Variants in UCHL5 observed in about 807,000 individuals in gnomAD.
UCHL5 encodes ubiquitin carboxyl-terminal hydrolase isozyme L5.
Under a neutral mutation model 53.8 loss-of-function variants are expected in UCHL5, and 34 were observed. The ratio of observed to expected loss-of-function variants is 0.63; its 90% CI spans 0.48 to 0.84. UCHL5 has a LOEUF of 0.84. UCHL5 is among the 40% of genes least tolerant of loss of function. The probability of loss-of-function intolerance (pLI) is 0.00; values close to 1 mark genes in which losing one functional copy is unlikely to be tolerated. For synonymous variants in UCHL5, 111 were observed against 126.3 expected (o/e 0.88, Z 0.81); for missense variants, 290 against 385.6 (o/e 0.75, Z 2.08).
intron 7 of UCHL5, among the ~76,000 whole-genome samples, chr1:193,025,637 T>A (rs532105975): frequency 6.6e-6 from 1 of 152,270 alleles, no homozygotes; most frequent in African/African-American, 2.4e-5. Context: ...CAGTTGTCAC[T>A]GAAGGCCTAG....
intron 1 of UCHL5, among the ~76,000 whole-genome samples, chr1:193,052,856 A>T (rs1176503496): frequency 6.6e-6 from 1 of 152,196 alleles, no homozygotes; most frequent in Non-Finnish European, 1.5e-5. Context: ...CAGAAACCTA[A>T]TTAAAACCCA....
At chr1:193,028,763 T>C (rs1157371793) in intron 6 of UCHL5, among the ~76,000 whole-genome samples, 1 of 152,148 alleles carries the variant, frequency 6.6e-6, no homozygotes, top group Non-Finnish European at 1.5e-5. Context: ...AAGAAAAATA[T>C]TTTCTTGATT....
rs569767925 is a variant in UCHL5 at position 193,055,412 on chromosome 1, C to T, written c.77-3595G>A. Reference sequence around the variant, plus strand: ...ACTACTTGTGCAGCATCCACCAGAGCCCACCTCCAGCCTCATGGACTTGGA... The same window carrying T: ...ACTACTTGTGCAGCATCCACCAGAGTCCACCTCCAGCCTCATGGACTTGGA... On this transcript the variant is annotated intron_variant, in intron 1 of 10. Transcript: ENST00000367454. Among the ~76,000 whole-genome samples, 12 of 152,284 alleles carry T rather than the reference C, an allele frequency of 7.9e-5. No homozygotes were observed. The South Asian group carries it at 2.5e-3, about 32-fold the overall frequency.
chr1:193,023,099 T>C (rs1657761521), intron 8 of UCHL5, 63 bp from the exon 9 acceptor site: 1 of 1,229,816 alleles, frequency 8.1e-7, no homozygotes, highest in Non-Finnish European at 1.2e-6. Flanking sequence ...TCAGAATATT[T>C]TAAAATGATA....
intron 1 of UCHL5, among the ~76,000 whole-genome samples, chr1:193,054,338 T>C (rs1185420024): frequency 6.6e-6 from 1 of 152,194 alleles, no homozygotes; most frequent in African/African-American, 2.4e-5. Context: ...TTTGACAACT[T>C]GTCATTCCCC....
intron 1 of UCHL5, among the ~76,000 whole-genome samples, chr1:193,052,174 T>C (rs568810761): frequency 6.6e-6 from 1 of 152,260 alleles, no homozygotes; most frequent in East Asian, 1.9e-4. Flanking sequence ...CTCTATACTT[T>C]TTTTTCTGGG....
At chr1:193,031,796 T>A (rs189447654) in intron 3 of UCHL5, among the ~76,000 whole-genome samples, 1 of 152,186 alleles carries the variant, frequency 6.6e-6, no homozygotes, top group Admixed American at 6.5e-5. Context: ...TTATATATAG[T>A]CAAAGTTCTA....
intron 3 of UCHL5, among the ~76,000 whole-genome samples, chr1:193,031,520 T>C (rs1376235483): frequency 6.6e-6 from 1 of 152,148 alleles, no homozygotes; most frequent in African/African-American, 2.4e-5. Context: ...TGTATGTGTC[T>C]GTGAGAAGAA....
chr1:193,026,169 C>A (rs1659149918), intron 7 of UCHL5, among the ~76,000 whole-genome samples: 1 of 149,706 alleles, frequency 6.7e-6, no homozygotes. Flanking sequence ...CATAGACTTA[C>A]ATGTAAAACA....
intron 10 of UCHL5, chr1:193,020,396 C>G: frequency 6.5e-7 from 1 of 1,546,714 alleles, no homozygotes; most frequent in South Asian, 1.2e-5. Flanking sequence ...GGTACACAGA[C>G]CAGTTGCATT....
At chr1:193,057,069 T>G (rs966578621) in intron 1 of UCHL5, among the ~76,000 whole-genome samples, 1 of 152,216 alleles carries the variant, frequency 6.6e-6, no homozygotes, top group Non-Finnish European at 1.5e-5. Flanking sequence ...CTTTAACATA[T>G]TGTTAAGGTT....
At chr1:193,034,803 C>T (rs1314588165) in intron 3 of UCHL5, among the ~76,000 whole-genome samples, 1 of 151,938 alleles carries the variant, frequency 6.6e-6, no homozygotes, top group Non-Finnish European at 1.5e-5. Context: ...AAAATCCGAA[C>T]ATAATTAACT....
chr1:193,029,802 T>G, intron 3 of UCHL5, 145 bp from the exon 4 acceptor site: 2 of 691,166 alleles, frequency 2.9e-6, no homozygotes, highest in Non-Finnish European at 4.4e-6. Context: ...ATGTTTAATT[T>G]CTATCCTAAT....
At chr1:193,046,140 TC>T (rs1305753881) in intron 3 of UCHL5, among the ~76,000 whole-genome samples, 3 of 148,206 alleles carry the variant, frequency 2.0e-5, no homozygotes, top group Non-Finnish European at 4.5e-5. Context: ...CAGGCAATCC[TC>T]CCACCTCAGC....
intron 7 of UCHL5, 102 bp downstream of exon 7, chr1:193,027,983 A>G: frequency 1.3e-6 from 2 of 1,552,380 alleles, no homozygotes; most frequent in East Asian, 2.3e-5. Flanking sequence ...GAAAAAAAAA[A>G]GTAGATGTTC....
chr1:193,046,883 C>T (rs1221565278), intron 3 of UCHL5, among the ~76,000 whole-genome samples: 3 of 150,988 alleles, frequency 2.0e-5, no homozygotes, highest in African/African-American at 7.3e-5. Flanking sequence ...TTTTAGCAAA[C>T]AAAATTATAA....
At chr1:193,018,860 T>C (rs1655828732) in intron 10 of UCHL5, 2 of 1,536,680 alleles carry the variant, frequency 1.3e-6, no homozygotes, top group Admixed American at 2.0e-5. Flanking sequence ...TTCCAACTTA[T>C]CTATTTCTGA....
At chr1:193,036,471 T>C (rs1663537761) in intron 3 of UCHL5, among the ~76,000 whole-genome samples, 1 of 151,904 alleles carries the variant, frequency 6.6e-6, no homozygotes, top group Admixed American at 6.6e-5. Flanking sequence ...ATTATAAATA[T>C]GTATACGCCT....
At chr1:193,027,840 T>G in intron 7 of UCHL5, 2 of 1,304,476 alleles carry the variant, frequency 1.5e-6, no homozygotes, top group Non-Finnish European at 2.1e-6. Context: ...AGTAGATGTT[T>G]GGCTGGGCAC....
Sources: allele counts gnomAD v4.1 joint callset (sites outside exome capture counted in the v4.1 genomes callset), GRCh38; gene constraint gnomAD v4.1.1; transcripts MANE v1.5; gene names NCBI Gene and HGNC (gene_info 2026-07-23, HGNC 2026-07-21).